The following SNX19 variants were observed in gnomAD, a reference collection of about 807,000 sequenced individuals.
The protein encoded by SNX19 is sorting nexin 19.
In SNX19, 60 loss-of-function variants were observed where a neutral mutation model predicts 85.2. The observed-to-expected ratio is 0.70, with a 90% CI of 0.57 to 0.87. The LOEUF (loss-of-function observed/expected upper bound fraction) is 0.87, where lower values mean the gene tolerates loss of function less well. SNX19 is among the 40% of genes least tolerant of loss of function. SNX19 has a pLI of 0.00. For missense variants in SNX19, 1,201 were observed against 1,217.8 expected (o/e 0.99, Z 0.21); for synonymous variants, 520 against 470.0 (o/e 1.11, Z -1.38).
At chr11:130,901,456 CAAG>C (rs200937540) in intron 8 of SNX19, among the ~76,000 whole-genome samples, 2,445 of 151,852 alleles carry the variant, frequency 0.016, 30 homozygotes, top group Middle Eastern at 0.031. Flanking sequence ...GCCAAGCAGA[CAAG>C]AAGAGGAAAA....
At chr11:130,888,709 T>G (rs1309838737) in intron 8 of SNX19, among the ~76,000 whole-genome samples, 1 of 152,230 alleles carries the variant, frequency 6.6e-6, no homozygotes, top group African/African-American at 2.4e-5. Context: ...TCTGTGCATC[T>G]CTAACCCATA....
At position 130,893,850 on chromosome 11, in the gene SNX19, G is replaced by A. The variant is rs533722703; in HGVS notation, c.2573+9405C>T. The stretch of plus-strand genomic sequence containing the variant: ...CTTTCGGGGCCAGCATTATATTAGA[G>A]CTAAAGTATATTTCCCACCAATTTA... On this transcript the variant is annotated intron_variant, in intron 8 of 10. Transcript: ENST00000265909. 4 of 701,838 alleles carry A rather than the reference G, an allele frequency of 5.7e-6. No homozygotes were observed. The South Asian group carries it at 5.9e-5, about 10-fold the overall frequency. The allele number at this position is 701,838 out of a possible 1,614,324, so 43.5% of individuals were successfully genotyped here. A position where few individuals can be genotyped will look rare whatever the true frequency, so the allele number is the denominator to read the frequency against.
chr11:130,894,114 CA>C (rs3838801), intron 8 of SNX19, among the ~76,000 whole-genome samples: 26,558 of 152,132 alleles, frequency 0.17, 2,394 homozygotes, highest in Middle Eastern at 0.26. Context: ...TCAGCACTGA[CA>C]ATCTCCATCT....
At chr11:130,886,520 C>T (rs1307129063) in intron 8 of SNX19, among the ~76,000 whole-genome samples, 3 of 152,114 alleles carry the variant, frequency 2.0e-5, no homozygotes, top group Admixed American at 6.5e-5. Context: ...TCTCCACCCA[C>T]CCAAGCACCC....
At chr11:130,889,039 C>T (rs1045895684) in intron 8 of SNX19, among the ~76,000 whole-genome samples, 2 of 152,152 alleles carry the variant, frequency 1.3e-5, no homozygotes, top group South Asian at 4.1e-4. Flanking sequence ...GATACTACAG[C>T]ATCTGTCCCA....
In SNX19 at chr11:130,893,908, C is replaced by T. The variant is rs945570815; in HGVS notation, c.2573+9347G>A. The T allele has an allele frequency of 3.1e-5, 21 of 672,240 alleles. 1 individual carries two copies. The South Asian group carries it at 3.1e-4, about 10-fold the overall frequency. 41.6% of individuals were successfully genotyped at this position (672,240 alleles called of 1,614,324 possible). A position where few individuals can be genotyped will look rare whatever the true frequency, so the allele number is the denominator to read the frequency against. On this transcript the variant is annotated intron_variant, in intron 8 of 10. Transcript: ENST00000265909. ...CCCTCCCTGCTCCAGTACCAAATAG[C>T]TCTACTTCTCCAAAGGGCACTTGGA...
chr11:130,902,803 T>C (rs1945346138), intron 8 of SNX19, among the ~76,000 whole-genome samples: 1 of 152,230 alleles, frequency 6.6e-6, no homozygotes, highest in Non-Finnish European at 1.5e-5. Flanking sequence ...GCTGTGAATA[T>C]TTATGCCCCT....
At position 130,867,709 on chromosome 11, in the gene SNX19, A is replaced by C. The variant is rs1942828803; in HGVS notation, c.*10713T>G. On this transcript the variant is annotated 3_prime_UTR_variant, in exon 11 of 11. Coordinates refer to ENST00000265909, the MANE Select transcript of SNX19 (RefSeq NM_014758.3). ...ATGCATTTTTAGGACAAACATGGAGACCATCATCGTTGTTCCGGAATCTGG... is the reference window on the plus strand; with the variant it reads ...ATGCATTTTTAGGACAAACATGGAGCCCATCATCGTTGTTCCGGAATCTGG... 6.6e-6 allele frequency: 1 copy of C among 152,188 alleles called. No homozygotes were observed. The allele number at this position is 152,188 out of a possible 1,614,324, so 9.4% of individuals were successfully genotyped here. A position where few individuals can be genotyped will look rare whatever the true frequency, so the allele number is the denominator to read the frequency against.
In SNX19 at chr11:130,867,046, T is replaced by A. The variant is rs1385363922; in HGVS notation, c.*11376A>T. 6.6e-6 allele frequency: 1 copy of A among 152,228 alleles called. No homozygotes were observed. The allele number at this position is 152,228 out of a possible 1,614,324, so 9.4% of individuals were successfully genotyped here. A position where few individuals can be genotyped will look rare whatever the true frequency, so the allele number is the denominator to read the frequency against. ...CCTTTCCTAAGGCCAGACAGCTAAC[T>A]ACTGACAGAGCTGGAATTCTGCCTG... On this transcript the variant is annotated 3_prime_UTR_variant, in exon 11 of 11. Coordinates refer to ENST00000265909, the MANE Select transcript of SNX19 (RefSeq NM_014758.3).
intron 8 of SNX19, chr11:130,894,904 C>T (rs546439817): frequency 1.0e-6 from 1 of 985,418 alleles, no homozygotes; most frequent in Non-Finnish European, 1.2e-6. Context: ...TCTTATCCCC[C>T]CAAAGAACTT....
chr11:130,892,162 G>A (rs6421609), intron 8 of SNX19, among the ~76,000 whole-genome samples: 89,944 of 148,624 alleles, frequency 0.61, 27,538 homozygotes, highest in South Asian at 0.73. Context: ...AGTTTTCTAT[G>A]CACAAATCTA....
At chr11:130,879,752 G>A (rs762043738) in intron 9 of SNX19, 41 bp from the exon 10 acceptor site, 1 of 1,569,560 alleles carries the variant, frequency 6.4e-7, no homozygotes, top group Admixed American at 1.7e-5. Flanking sequence ...TGTTATCACT[G>A]AAGTTTTAGA....
At chr11:130,900,999 C>A (rs959006987) in intron 8 of SNX19, among the ~76,000 whole-genome samples, 1 of 152,154 alleles carries the variant, frequency 6.6e-6, no homozygotes, top group Non-Finnish European at 1.5e-5. Flanking sequence ...GCTGGGGAGA[C>A]AAAGCTAGTT....
In SNX19 at chr11:130,915,500, C is replaced by T; in HGVS notation, c.440G>A (p.Ser147Asn). The T allele has an allele frequency of 6.2e-7, 1 of 1,614,250 alleles. No homozygotes were observed. Among genetic ancestry groups the T allele is most frequent in the Non-Finnish European group, 8.5e-7 (1 of 1,180,048 alleles). Residue 147 changes from serine to asparagine, a missense_variant, in exon 1 of 11, where the codon AGC (serine) becomes AAC (asparagine). By Grantham distance (46) the Ser-to-Asn change is conservative (BLOSUM62 1). Coordinates refer to ENST00000265909, the MANE Select transcript of SNX19 (RefSeq NM_014758.3). Reference sequence around the variant, plus strand: ...GGCAACAGCATGACTGTCCATCACGCTCATCCTTCTCCGAAGCTCCTGGAC... The same window carrying T: ...GGCAACAGCATGACTGTCCATCACGTTCATCCTTCTCCGAAGCTCCTGGAC... The part of the protein sequence containing the change: ...GLVQELRRRM[S>N]VMDSHAVAQS...
chr11:130,880,811 G>A lies in SNX19; in HGVS notation c.2574-5C>T, dbSNP rs768120924. On this transcript the variant is annotated splice_region_variant and splice_polypyrimidine_tract_variant and intron_variant, in intron 8 of 10. Coordinates refer to ENST00000265909, the MANE Select transcript of SNX19 (RefSeq NM_014758.3). ...GCTACCTGCACCTCTAGCCACCTGT[G>A]GTAGAAGAGAGACGAAAGCTTAGAT... 18 of 1,539,800 alleles carry A rather than the reference G, an allele frequency of 1.2e-5. No homozygotes were observed. The Admixed American group carries it at 2.8e-4, about 24-fold the overall frequency.
rs569100849 is a variant in SNX19 at position 130,867,033 on chromosome 11, C to T, written c.*11389G>A. On this transcript the variant is annotated 3_prime_UTR_variant, in exon 11 of 11. Transcript: ENST00000265909. ...GAGGTGTGAAATCCCTTTCCTAAGG[C>T]CAGACAGCTAACTACTGACAGAGCT... 6.6e-6 allele frequency: 1 copy of T among 152,202 alleles called. No homozygotes were observed. Among genetic ancestry groups the T allele is most frequent in the Non-Finnish European group, 1.5e-5 (1 of 68,046 alleles). 9.4% of individuals were successfully genotyped at this position (152,202 alleles called of 1,614,324 possible). A position where few individuals can be genotyped will look rare whatever the true frequency, so the allele number is the denominator to read the frequency against.
At chr11:130,880,164 T>G (rs1334788323) in intron 9 of SNX19, among the ~76,000 whole-genome samples, 1 of 152,208 alleles carries the variant, frequency 6.6e-6, no homozygotes, top group African/African-American at 2.4e-5. Context: ...CTAAAGGCCA[T>G]GTACCATACT....
chr11:130,883,840 G>A (rs1318850341), intron 8 of SNX19, among the ~76,000 whole-genome samples: 2 of 152,250 alleles, frequency 1.3e-5, no homozygotes, highest in East Asian at 3.9e-4. Flanking sequence ...CAATCTGGAA[G>A]GAAAACATGA....
rs1320004953 is a variant in SNX19, at chr11:130,871,738, TTTCTGG to T, written c.*6678_*6683del. Among the ~76,000 whole-genome samples, 4 of 152,202 alleles carry T rather than the reference TTTCTGG, an allele frequency of 2.6e-5. No individual in the cohort carries two copies. The highest frequency in any genetic ancestry group is 9.7e-5 in the African/African-American group (4 of 41,442). ...CTTTACTCTCATGGGTTAATCAAAG[TTTCTGG>T]AAGTAATCACAGCCAACTCTTCTTT... On this transcript the variant is annotated 3_prime_UTR_variant, in exon 11 of 11. Coordinates refer to ENST00000265909, the MANE Select transcript of SNX19 (RefSeq NM_014758.3).
Sources: allele counts gnomAD v4.1 joint callset (sites outside exome capture counted in the v4.1 genomes callset), GRCh38; gene constraint gnomAD v4.1.1; transcripts MANE v1.5; gene names NCBI Gene and HGNC (gene_info 2026-07-23, HGNC 2026-07-21).